The following CCDC124 variants were observed in gnomAD, a reference collection of about 807,000 sequenced individuals.
The protein encoded by CCDC124 is coiled-coil domain-containing protein 124.
In CCDC124, 9 loss-of-function variants were observed where a neutral mutation model predicts 19.8. The ratio of observed to expected loss-of-function variants is 0.45; its 90% CI spans 0.27 to 0.79. The LOEUF (loss-of-function observed/expected upper bound fraction) is 0.79, where lower values mean the gene tolerates loss of function less well. CCDC124 is among the 30% of genes least tolerant of loss of function. The pLI is 0.14. For missense variants in CCDC124, 285 were observed against 319.0 expected (o/e 0.89, Z 0.81); for synonymous variants, 126 against 131.3 (o/e 0.96, Z 0.27).
chr19:17,942,552 A>G lies in CCDC124; in HGVS notation c.160-104A>G. 4 of 1,313,024 alleles carry G rather than the reference A, an allele frequency of 3.0e-6. No individual in the cohort carries two copies. Among genetic ancestry groups the G allele is most frequent in the South Asian group, 1.4e-5 (1 of 71,338 alleles). The allele number at this position is 1,313,024 out of a possible 1,614,324, so 81.3% of individuals were successfully genotyped here. A position where few individuals can be genotyped will look rare whatever the true frequency, so the allele number is the denominator to read the frequency against. On this transcript the variant is annotated intron_variant, in intron 2 of 4. Coordinates refer to ENST00000445755, the MANE Select transcript of CCDC124 (RefSeq NM_001136203.2). The surrounding 1 kb of genome is among the most constrained non-coding windows in gnomAD (Gnocchi z 4.2). ...CTGGTATGTCCCCTGCACCCAGCAC[A>G]GAGCCTAAATCCTCGTTGGCTGAGA...
intron 2 of CCDC124, 144 bp downstream of exon 2, chr19:17,936,723 G>T: frequency 9.8e-7 from 1 of 1,020,576 alleles, no homozygotes; most frequent in East Asian, 2.7e-5. Context: ...GCTCACGCCT[G>T]TCATCCCAGT....
intron 2 of CCDC124, among the ~76,000 whole-genome samples, chr19:17,941,629 A>G (rs181407815): frequency 5.3e-5 from 8 of 152,146 alleles, no homozygotes; most frequent in East Asian, 3.9e-4. Context: ...CAGCACAGCA[A>G]TGGGAGCCCA....
chr19:17,942,382 T>G lies in CCDC124; in HGVS notation c.160-274T>G, dbSNP rs1271853956. Reference sequence around the variant, plus strand: ...CTGGTAGCCCTGCTGCTAAGGACGCTCCTGTTCCCCAGCTCTCCCCCTTGG... The same window carrying G: ...CTGGTAGCCCTGCTGCTAAGGACGCGCCTGTTCCCCAGCTCTCCCCCTTGG... On this transcript the variant is annotated intron_variant, in intron 2 of 4. Coordinates refer to ENST00000445755, the MANE Select transcript of CCDC124 (RefSeq NM_001136203.2). This position sits in a 1 kb window ranked among gnomAD's most constrained non-coding sequence, Gnocchi z 4.2. Among the ~76,000 whole-genome samples the G allele has an allele frequency of 6.6e-6, 1 of 152,084 alleles. No individual in the cohort carries two copies. Among genetic ancestry groups the G allele is most frequent in the Non-Finnish European group, 1.5e-5 (1 of 68,014 alleles).
In CCDC124 at chr19:17,942,665, G is replaced by T; in HGVS notation, c.169G>T (p.Glu57Ter). 6.4e-7 allele frequency: 1 copy of T among 1,555,368 alleles called. No homozygotes were observed. The highest frequency in any genetic ancestry group is 8.7e-7 in the Non-Finnish European group (1 of 1,149,490). ...MRKEQRKEEKEKRRLDQLERK... is the reference protein window; with the variant it reads ...MRKEQRKEEK ...CACGCCGCCCCCGCAGGAGGAGAAGGAGAAGCGGCGCCTCGACCAGCTGGA... is the reference window on the plus strand; with the variant it reads ...CACGCCGCCCCCGCAGGAGGAGAAGTAGAAGCGGCGCCTCGACCAGCTGGA... Residue 57 changes from glutamate to a stop codon, truncating the protein, a stop_gained, in exon 3 of 5, where the codon GAG becomes TAG. Coordinates refer to ENST00000445755, the MANE Select transcript of CCDC124 (RefSeq NM_001136203.2). LOFTEE classifies it high-confidence loss of function. This position sits in a 1 kb window ranked among gnomAD's most constrained non-coding sequence, Gnocchi z 4.2.
intron 2 of CCDC124, 109 bp downstream of exon 2, chr19:17,936,688 A>G: frequency 7.3e-7 from 1 of 1,377,738 alleles, no homozygotes; most frequent in Non-Finnish European, 9.8e-7. Context: ...TTGGTCTGAA[A>G]GGCCAGGAGG....
chr19:17,937,519 T>G (rs1039303126), intron 2 of CCDC124, among the ~76,000 whole-genome samples: 2 of 152,024 alleles, frequency 1.3e-5, no homozygotes, highest in African/African-American at 4.8e-5. Context: ...CCTGGAGATG[T>G]GTTTGGTTGT....
intron 1 of CCDC124, among the ~76,000 whole-genome samples, chr19:17,935,371 CAG>C (rs1193053322): frequency 6.6e-6 from 1 of 151,536 alleles, no homozygotes; most frequent in Non-Finnish European, 1.5e-5. Flanking sequence ...TGGAACTAGA[CAG>C]AGGTGGTATT....
chr19:17,939,036 G>A (rs921170905), intron 2 of CCDC124, among the ~76,000 whole-genome samples: 1 of 152,066 alleles, frequency 6.6e-6, no homozygotes, highest in Non-Finnish European at 1.5e-5. Context: ...GGGGTTGGGG[G>A]ATCATCAAAA....
chr19:17,943,319 G>C lies in CCDC124; in HGVS notation c.408G>C (p.Val136=), dbSNP rs1435650843. The C allele has an allele frequency of 7.1e-7, 1 of 1,414,732 alleles. No homozygotes were observed. Among genetic ancestry groups the C allele is most frequent in the Non-Finnish European group, 9.4e-7 (1 of 1,061,338 alleles). 87.6% of individuals were successfully genotyped at this position (1,414,732 alleles called of 1,614,324 possible). ...TGGAGGAGAACGTGAACCGCCGCGTGCTGGAGGAGGGCAGCGTGGAGGCGC... is the reference window on the plus strand; with the variant it reads ...TGGAGGAGAACGTGAACCGCCGCGTCCTGGAGGAGGGCAGCGTGGAGGCGC... ...VPLEENVNRR[V]LEEGSVEART... is the part of the protein sequence containing the mutation. Residue 136 remains valine, a synonymous_variant, in exon 4 of 5, where the codon GTG becomes GTC. Transcript: ENST00000445755.
chr19:17,936,484 G>A lies in CCDC124; in HGVS notation c.64G>A (p.Ala22Thr). The A allele has an allele frequency of 3.7e-6, 6 of 1,613,024 alleles. No individual in the cohort carries two copies. The South Asian group carries it at 6.6e-5, about 18-fold the overall frequency. ...AGCGGCCCGGGCACGTAGGGCAGAG[G>A]CCAAGGCGGCCGCTGATGCCAAGAA... ...SAAARARRAE[A>T]KAAADAKKQK... Residue 22 changes from alanine (A) to threonine (T), a missense_variant, in exon 2 of 5, where the codon GCC becomes ACC. By Grantham distance (58) the Ala-to-Thr change is moderately conservative. Coordinates refer to ENST00000445755, the MANE Select transcript of CCDC124 (RefSeq NM_001136203.2).
chr19:17,942,735 A>G lies in CCDC124; in HGVS notation c.239A>G (p.Lys80Arg). ...TQRLLEEEDS[K>R]LKGGKAPRVA... is the part of the protein sequence containing the mutation. ...CGCCTACTGGAGGAGGAGGACTCCA[A>G]GCTCAAGGGCGGCAAGGCGCCGCGG... is the stretch of plus-strand genomic sequence containing the variant. Residue 80 changes from lysine (K) to arginine (R), a missense_variant, in exon 3 of 5, where the codon AAG becomes AGG. Transcript: ENST00000445755. The surrounding 1 kb of genome is among the most constrained non-coding windows in gnomAD (Gnocchi z 4.2). The G allele has an allele frequency of 6.4e-7, 1 of 1,550,962 alleles. No homozygotes were observed. Among genetic ancestry groups the G allele is most frequent in the African/African-American group, 1.4e-5 (1 of 73,426 alleles).
chr19:17,933,216 A>G (rs1013709808), intron 1 of CCDC124, among the ~76,000 whole-genome samples, 168 bp downstream of exon 1: 6 of 152,296 alleles, frequency 3.9e-5, no homozygotes, highest in African/African-American at 1.4e-4. Context: ...GGCGATGCCC[A>G]TTTCCAGACT....
rs997000543 is a variant in CCDC124, at chr19:17,942,046, T to G, written c.160-610T>G. 2.0e-5 allele frequency among the ~76,000 whole-genome samples: 3 copies of G among 151,986 alleles called. No individual in the cohort carries two copies. Among genetic ancestry groups the G allele is most frequent in the Non-Finnish European group, 4.4e-5 (3 of 67,970 alleles). ...AAGGGCAAGTCCCGTAGCCCAGATG[T>G]CCCTCATCCAGCCAGCATCAGGGCT... On this transcript the variant is annotated intron_variant, in intron 2 of 4. Coordinates refer to ENST00000445755, the MANE Select transcript of CCDC124 (RefSeq NM_001136203.2). This position sits in a 1 kb window ranked among gnomAD's most constrained non-coding sequence, Gnocchi z 4.2.
intron 1 of CCDC124, among the ~76,000 whole-genome samples, chr19:17,934,327 A>T (rs189891197): frequency 1.8e-4 from 27 of 149,068 alleles, no homozygotes; most frequent in Admixed American, 5.9e-4. Context: ...TGGAGGTTGC[A>T]GTGAGCCGAG....
chr19:17,943,241 T>TCGGGGGGCCCCCCCCCCCCCCC lies in CCDC124; in HGVS notation c.350-19_350-18insGGGGGGCCCCCCCCCCCCCCCC. The TCGGGGGGCCCCCCCCCCCCCCC allele has an allele frequency of 1.4e-6, 1 of 736,678 alleles. No individual in the cohort carries two copies. The highest frequency in any genetic ancestry group is 2.4e-6 in the Non-Finnish European group (1 of 414,970). The allele number at this position is 736,678 out of a possible 1,614,324, so 45.6% of individuals were successfully genotyped here. ...CTTTGCTTATCTCTCTCTGTCTCTGTCACCCACCCACCCGCCCAGCCGAGA... is the reference window on the plus strand; with the variant it reads ...CTTTGCTTATCTCTCTCTGTCTCTGTCGGGGGGCCCCCCCCCCCCCCCCACCCACCCACCCGCCCAGCCGAGA... On this transcript the variant is annotated intron_variant, in intron 3 of 4. Coordinates refer to ENST00000445755, the MANE Select transcript of CCDC124 (RefSeq NM_001136203.2).
chr19:17,934,629 A>G (rs891491991), intron 1 of CCDC124, among the ~76,000 whole-genome samples: 2 of 150,452 alleles, frequency 1.3e-5, no homozygotes, highest in Admixed American at 6.6e-5. Flanking sequence ...TAAAAAAAAA[A>G]AAAAAAAGCT....
At chr19:17,938,432 G>C (rs959922604) in intron 2 of CCDC124, among the ~76,000 whole-genome samples, 10 of 152,132 alleles carry the variant, frequency 6.6e-5, no homozygotes, top group Non-Finnish European at 1.2e-4. Flanking sequence ...GGCCCAGTAG[G>C]TGGCGCCAGT....
rs575745559 is a variant in CCDC124, at chr19:17,942,198, C to T, written c.160-458C>T. On this transcript the variant is annotated intron_variant, in intron 2 of 4. Transcript: ENST00000445755. The surrounding 1 kb of genome is among the most constrained non-coding windows in gnomAD (Gnocchi z 4.2). ...GCCTGAAACGGGTCCAGGCCTCCCA[C>T]GGCTCTTAGAATCCAACATGAACCC... Among the ~76,000 whole-genome samples the T allele has an allele frequency of 1.3e-5, 2 of 152,146 alleles. No homozygotes were observed. The highest frequency in any genetic ancestry group is 2.9e-5 in the Non-Finnish European group (2 of 68,024).
At chr19:17,936,797 A>G (rs1292715724) in intron 2 of CCDC124, 10 of 502,088 alleles carry the variant, frequency 2.0e-5, no homozygotes, top group Non-Finnish European at 2.8e-5. Context: ...CCTGGCCAAC[A>G]TGATGAAACC....
Sources: gnomAD v4.1 joint callset for allele counts (sites outside exome capture counted in the v4.1 genomes callset) on GRCh38, gnomAD v4.1.1 for gene constraint, Gnocchi (gnomAD v3.1) non-coding constraint, MANE v1.5 for transcripts, NCBI Gene and HGNC (gene_info 2026-07-23, HGNC 2026-07-21) for gene names.